Variants in GAB3 observed in about 807,000 individuals in gnomAD.
The protein encoded by GAB3 is GRB2-associated-binding protein 3.
GAB3 carries 12 observed loss-of-function variants against 40.4 expected under a neutral mutation model. The observed-to-expected ratio is 0.30, with a 90% confidence interval of 0.19 to 0.48. The LOEUF is 0.48. GAB3 is among the 20% of genes least tolerant of loss of function. The pLI is 0.99. For synonymous variants in GAB3, 154 were observed against 176.7 expected, an observed-to-expected ratio of 0.87 and a Z score of 1.02; for missense variants, 381 against 461.9, an observed-to-expected ratio of 0.82 and a Z score of 1.61.
intron 1 of GAB3, among the ~76,000 whole-genome samples, chrX:154,749,134 C>T (rs1304395152): frequency 9.0e-6 from 1 of 111,429 alleles, no homozygotes; most frequent in Non-Finnish European, 1.9e-5. Context: ...CATCATCACA[C>T]GCCCCACATA....
intron 1 of GAB3, among the ~76,000 whole-genome samples, chrX:154,730,069 T>C (rs2071270619): frequency 8.9e-6 from 1 of 112,168 alleles, no homozygotes; most frequent in Non-Finnish European, 1.9e-5. Context: ...AGGGAAACAG[T>C]CATGTGCTAG....
intron 4 of GAB3, among the ~76,000 whole-genome samples, chrX:154,711,941 C>G (rs1603426059): frequency 9.0e-6 from 1 of 111,714 alleles, no homozygotes; most frequent in African/African-American, 3.3e-5. Flanking sequence ...TGGTCAGGCT[C>G]AAAGGAGGGG....
intron 1 of GAB3, among the ~76,000 whole-genome samples, chrX:154,747,682 A>T (rs1557262226): frequency 9.0e-6 from 1 of 111,475 alleles, no homozygotes; most frequent in African/African-American, 3.3e-5. Flanking sequence ...GAGCAGCTAT[A>T]GTGCCAGCTA....
At chrX:154,690,881 C>G (rs1291939334) in intron 8 of GAB3, among the ~76,000 whole-genome samples, 1 of 107,301 alleles carries the variant, frequency 9.3e-6, no homozygotes, top group Non-Finnish European at 1.9e-5. Flanking sequence ...GGATCTAGAA[C>G]TAGAAATACC....
rs1453231957 is a variant in GAB3 at position 154,751,047 on chromosome X, C to T, written c.-22G>A. 1.8e-5 allele frequency: 14 copies of T among 790,139 alleles called. No homozygotes were observed. Among genetic ancestry groups the T allele is most frequent in the Admixed American group, 7.9e-5 (1 of 12,729 alleles). The allele number at this position is 790,139 out of a possible 1,213,427, so 65.1% of individuals were successfully genotyped here. On this transcript the variant is annotated 5_prime_UTR_variant, in exon 1 of 10. Coordinates refer to ENST00000424127, the MANE Select transcript of GAB3 (RefSeq NM_001081573.3). ...TCATCGTGGCCGCCGCCGCCGCTTC[C>T]TCCAGCTGGGCCAGCCGCCCGCGGC...
chrX:154,718,345 C>T (rs1478520402), intron 1 of GAB3, among the ~76,000 whole-genome samples: 1 of 108,944 alleles, frequency 9.2e-6, no homozygotes, highest in Non-Finnish European at 1.9e-5. Flanking sequence ...GGCAGGTGAA[C>T]CCTGGTTTGC....
At chrX:154,742,484 A>G (rs982567624) in intron 1 of GAB3, among the ~76,000 whole-genome samples, 2 of 111,827 alleles carry the variant, frequency 1.8e-5, no homozygotes, top group Admixed American at 9.5e-5. Context: ...AGCCTATTTT[A>G]TAATAGTTAT....
At chrX:154,730,896 G>A (rs782023777) in intron 1 of GAB3, among the ~76,000 whole-genome samples, 1 of 112,325 alleles carries the variant, frequency 8.9e-6, no homozygotes, top group South Asian at 3.7e-4. Context: ...CCTGAAGATG[G>A]CCTGGCCCAC....
Position 154,675,862 on chromosome X carries a change from A to G in GAB3, c.*2316T>C, listed in dbSNP as rs963893257. ...TGGTGCCTTTGCTGCTGTCAGCTCA[A>G]AAACTACCTGTACTTTGTTTCCTTG... On this transcript the variant is annotated 3_prime_UTR_variant, in exon 10 of 10. Coordinates refer to ENST00000424127, the MANE Select transcript of GAB3 (RefSeq NM_001081573.3). 10 of 112,092 alleles carry G rather than the reference A, an allele frequency of 8.9e-5. No homozygotes were observed. The highest frequency in any genetic ancestry group is 2.9e-4 in the African/African-American group (9 of 30,830). The allele number at this position is 112,092 out of a possible 1,213,427, so 9.2% of individuals were successfully genotyped here.
At chrX:154,750,759 G>C (rs1309481260) in intron 1 of GAB3, among the ~76,000 whole-genome samples, 195 bp downstream of exon 1, 5 of 112,127 alleles carry the variant, frequency 4.5e-5, no homozygotes, top group Non-Finnish European at 9.5e-5. Context: ...CCTGGTCTCC[G>C]GCCCGCTGCC....
intron 4 of GAB3, among the ~76,000 whole-genome samples, chrX:154,708,846 C>T (rs1374348085): frequency 8.9e-6 from 1 of 112,178 alleles, no homozygotes; most frequent in Non-Finnish European, 1.9e-5. Context: ...ATCCAGCAAT[C>T]TCTCTTCTGG....
chrX:154,685,072 C>T (rs2070428517), intron 8 of GAB3, among the ~76,000 whole-genome samples: 2 of 111,983 alleles, frequency 1.8e-5, no homozygotes, highest in South Asian at 7.3e-4. Context: ...CTGTTTATCT[C>T]ATCCATTGAG....
intron 8 of GAB3, among the ~76,000 whole-genome samples, chrX:154,686,373 G>A (rs1215089768): frequency 8.5e-5 from 9 of 106,213 alleles, no homozygotes; most frequent in Admixed American, 5.0e-4. Flanking sequence ...GCTGAGGTGG[G>A]AGGATGGCTT....
chrX:154,710,351 C>G (rs1274960932), intron 4 of GAB3, among the ~76,000 whole-genome samples: 1 of 111,342 alleles, frequency 9.0e-6, no homozygotes, highest in African/African-American at 3.3e-5. Flanking sequence ...CCTAGAATAG[C>G]CATTATATTC....
At chrX:154,698,305 A>G (rs1557251279) in intron 6 of GAB3, among the ~76,000 whole-genome samples, 1 of 111,881 alleles carries the variant, frequency 8.9e-6, no homozygotes, top group East Asian at 2.8e-4. Flanking sequence ...GATTTTACAT[A>G]TCTTCCTCCC....
At chrX:154,683,093 A>G (rs1453552078) in intron 8 of GAB3, among the ~76,000 whole-genome samples, 4 of 112,738 alleles carry the variant, frequency 3.5e-5, no homozygotes, top group Non-Finnish European at 7.5e-5. Context: ...GAAATGTCAC[A>G]TGAAATCACT....
chrX:154,750,415 GGAGTTACACGATGAGAAAC>G (rs1320925921), intron 1 of GAB3, among the ~76,000 whole-genome samples: 1 of 112,445 alleles, frequency 8.9e-6, no homozygotes, highest in African/African-American at 3.2e-5. Context: ...GAAGCTGAAA[GGAGTTACACGATGAGAAAC>G]GAGTTACACT....
chrX:154,689,422 T>C (rs2070515206), intron 8 of GAB3, among the ~76,000 whole-genome samples: 1 of 111,754 alleles, frequency 8.9e-6, no homozygotes, highest in Non-Finnish European at 1.9e-5. Flanking sequence ...CCAGGGCAGT[T>C]AGGCAGGAGA....
chrX:154,748,949 G>A (rs2071569397), intron 1 of GAB3, among the ~76,000 whole-genome samples: 1 of 111,728 alleles, frequency 9.0e-6, no homozygotes, highest in African/African-American at 3.3e-5. Flanking sequence ...TTAGCTATGA[G>A]AGGAAAAAGA....
Sources: allele counts gnomAD v4.1 joint callset (sites outside exome capture counted in the v4.1 genomes callset), GRCh38; gene constraint gnomAD v4.1.1; transcripts MANE v1.5; gene names NCBI Gene and HGNC (gene_info 2026-07-23, HGNC 2026-07-21).